The following MEIS1 variants were observed in gnomAD, a reference collection of about 807,000 sequenced individuals.
The protein encoded by MEIS1 is Meis homeobox 1.
Under a neutral mutation model 50.8 loss-of-function variants are expected in MEIS1, and 5 were observed. The ratio of observed to expected loss-of-function variants is 0.10; its 90% CI spans 0.05 to 0.21. The LOEUF (loss-of-function observed/expected upper bound fraction) is 0.21. Among genes scored for constraint, MEIS1 ranks in the 10% least tolerant of loss-of-function variants. The pLI is 1.00. For synonymous variants in MEIS1, 176 were observed against 179.3 expected (o/e 0.98, Z 0.15); for missense variants, 318 against 517.3 (o/e 0.61, Z 3.74).
At chr2:66,507,024 A>G (rs530451504) in intron 7 of MEIS1, among the ~76,000 whole-genome samples, 4 of 152,302 alleles carry the variant, frequency 2.6e-5, no homozygotes, top group Admixed American at 2.6e-4. Context: ...TAGATACTCT[A>G]TGGGAGAAAC....
At chr2:66,493,881 A>G (rs536459899) in intron 7 of MEIS1, among the ~76,000 whole-genome samples, 71 of 152,336 alleles carry the variant, frequency 4.7e-4, no homozygotes, top group African/African-American at 1.6e-3. Flanking sequence ...GCATCACTTA[A>G]TCAGACCCAT....
intron 8 of MEIS1, among the ~76,000 whole-genome samples, chr2:66,534,061 G>T (rs1674460272): frequency 6.6e-6 from 1 of 152,122 alleles, no homozygotes; most frequent in South Asian, 2.1e-4. Flanking sequence ...CAGACCCTAT[G>T]CTAAGCAATT....
At chr2:66,488,407 A>G (rs1334620215) in intron 7 of MEIS1, among the ~76,000 whole-genome samples, 2 of 152,204 alleles carry the variant, frequency 1.3e-5, no homozygotes, top group Non-Finnish European at 2.9e-5. Flanking sequence ...GGCTAGGTGC[A>G]GTGGCTCAAG....
chr2:66,458,059 C>G (rs568077268), intron 6 of MEIS1, among the ~76,000 whole-genome samples: 1 of 152,144 alleles, frequency 6.6e-6, no homozygotes, highest in Non-Finnish European at 1.5e-5. Flanking sequence ...TCAGTTTCTA[C>G]GTAGCTGCTA....
At chr2:66,473,397 A>AAAAAAAAAAAAAAAAAAAAAATAT in intron 7 of MEIS1, among the ~76,000 whole-genome samples, 1 of 107,614 alleles carries the variant, frequency 9.3e-6, no homozygotes, top group African/African-American at 5.8e-5. Flanking sequence ...AAAAAAAAAA[A>AAAAAAAAAAAAAAAAAAAAAATAT]ATATATATAT....
At chr2:66,463,586 T>C (rs1015070813) in intron 6 of MEIS1, among the ~76,000 whole-genome samples, 7 of 152,332 alleles carry the variant, frequency 4.6e-5, no homozygotes, top group African/African-American at 1.7e-4. Flanking sequence ...TGCCTATGCC[T>C]GGTCCATTTG....
chr2:66,538,893 T>G (rs1674582991), intron 8 of MEIS1, among the ~76,000 whole-genome samples: 2 of 152,054 alleles, frequency 1.3e-5, no homozygotes, highest in East Asian at 3.9e-4. Context: ...TTTTTTTTTT[T>G]GTTTGTTTGT....
At chr2:66,519,073 T>C (rs1407985133) in intron 8 of MEIS1, among the ~76,000 whole-genome samples, 1 of 152,200 alleles carries the variant, frequency 6.6e-6, no homozygotes, top group Non-Finnish European at 1.5e-5. Flanking sequence ...TAGGGAAAAC[T>C]GATCCATTTT....
intron 6 of MEIS1, among the ~76,000 whole-genome samples, chr2:66,452,422 A>G (rs535291868): frequency 1.2e-4 from 18 of 152,064 alleles, no homozygotes; most frequent in African/African-American, 4.3e-4. Flanking sequence ...ATCTCTGCCA[A>G]TGTGGTATAG....
chr2:66,528,708 C>CT (rs1458535628), intron 8 of MEIS1, among the ~76,000 whole-genome samples: 2 of 152,326 alleles, frequency 1.3e-5, no homozygotes, highest in South Asian at 4.1e-4. Context: ...CTTCCTGCCT[C>CT]TAACATTGGT....
chr2:66,470,949 A>G (rs1672748296), intron 7 of MEIS1, among the ~76,000 whole-genome samples: 2 of 152,212 alleles, frequency 1.3e-5, no homozygotes, highest in South Asian at 4.1e-4. Flanking sequence ...TGAGCTTATT[A>G]AAAACTCAAA....
Position 66,571,615 on chromosome 2 carries a change from T to G in MEIS1, c.*407T>G. 4 of 1,488,234 alleles carry G rather than the reference T, an allele frequency of 2.7e-6. No homozygotes were observed. Among genetic ancestry groups the G allele is most frequent in the Middle Eastern group, 1.8e-4 (1 of 5,414 alleles). The allele number at this position is 1,488,234 out of a possible 1,614,324, so 92.2% of individuals were successfully genotyped here. ...TGACTGTGGAGTTCCATTCTTGGCA[T>G]CTACTCTGGACCAAGGAGCATCCCT... On this transcript the variant is annotated 3_prime_UTR_variant, in exon 13 of 13. Coordinates refer to ENST00000272369, the MANE Select transcript of MEIS1 (RefSeq NM_002398.3).
intron 7 of MEIS1, among the ~76,000 whole-genome samples, chr2:66,510,608 A>G (rs962668392): frequency 6.6e-6 from 1 of 152,216 alleles, no homozygotes; most frequent in African/African-American, 2.4e-5. Context: ...ATATTCTGTA[A>G]TAATAGTAGA....
At chr2:66,520,171 ATTAT>A (rs2103870066) in intron 8 of MEIS1, among the ~76,000 whole-genome samples, 1 of 152,136 alleles carries the variant, frequency 6.6e-6, no homozygotes, top group Admixed American at 6.5e-5. Flanking sequence ...ATTCTTATCT[ATTAT>A]TTAAAGAAAA....
chr2:66,498,019 A>G (rs966823608), intron 7 of MEIS1, among the ~76,000 whole-genome samples: 2 of 116,738 alleles, frequency 1.7e-5, no homozygotes, highest in Non-Finnish European at 2.0e-5. Flanking sequence ...AAAACAATAG[A>G]AAAAAAATGG....
intron 8 of MEIS1, among the ~76,000 whole-genome samples, chr2:66,516,192 G>A (rs548315829): frequency 2.0e-5 from 3 of 152,084 alleles, no homozygotes; most frequent in African/African-American, 4.8e-5. Flanking sequence ...ATAGAAAAGC[G>A]CTTAATGTGG....
chr2:66,504,697 AC>A (rs1485389224), intron 7 of MEIS1, among the ~76,000 whole-genome samples: 1 of 152,192 alleles, frequency 6.6e-6, no homozygotes, highest in Non-Finnish European at 1.5e-5. Flanking sequence ...TTCTTAATCT[AC>A]AGCCCCACCA....
rs1455289272 is a variant in MEIS1 at position 66,466,009 on chromosome 2, T to G, written c.742+1789T>G. On this transcript the variant is annotated intron_variant, in intron 7 of 12. Coordinates refer to ENST00000272369, the MANE Select transcript of MEIS1 (RefSeq NM_002398.3). ...CTTCCTATATTTTTTCTTTTTATGT[T>G]TTATATTTGAGTCCAATACCTAGTT... 2.6e-5 allele frequency among the ~76,000 whole-genome samples: 4 copies of G among 152,218 alleles called. No homozygotes were observed. In the East Asian group the frequency reaches 7.7e-4, roughly 29 times the overall value.
chr2:66,550,167 C>A (rs1260507429), intron 9 of MEIS1, among the ~76,000 whole-genome samples: 1 of 152,140 alleles, frequency 6.6e-6, no homozygotes, highest in African/African-American at 2.4e-5. Flanking sequence ...TTAAAAATAG[C>A]TTTTAATTAG....
Sources: gnomAD v4.1 joint callset for allele counts (sites outside exome capture counted in the v4.1 genomes callset) on GRCh38, gnomAD v4.1.1 for gene constraint, MANE v1.5 for transcripts, NCBI Gene and HGNC (gene_info 2026-07-23, HGNC 2026-07-21) for gene names.